CADM1: variants seen among roughly 807,000 people sequenced by gnomAD.
CADM1 encodes cell adhesion molecule 1.
A neutral mutation model predicts 53.1 loss-of-function variants in CADM1; 15 were observed. The ratio of observed to expected loss-of-function variants is 0.28; its 90% CI spans 0.19 to 0.44. The LOEUF is 0.44. Among genes scored for constraint, CADM1 ranks in the 20% least tolerant of loss-of-function variants. The probability of loss-of-function intolerance (pLI) is 1.00; values close to 1 mark genes in which losing one functional copy is unlikely to be tolerated. For synonymous variants in CADM1, 281 were observed against 243.0 expected, an observed-to-expected ratio of 1.16 and a Z score of -1.45; for missense variants, 434 against 611.3, an observed-to-expected ratio of 0.71 and a Z score of 3.06.
intron 1 of CADM1, among the ~76,000 whole-genome samples, chr11:115,381,852 ATT>A: frequency 6.7e-6 from 1 of 150,048 alleles, no homozygotes; most frequent in African/African-American, 2.4e-5. Context: ...TAATAATAGG[ATT>A]TTTTTTTTGA....
At chr11:115,320,400 T>A (rs1198358651) in intron 1 of CADM1, among the ~76,000 whole-genome samples, 1 of 152,148 alleles carries the variant, frequency 6.6e-6, no homozygotes, top group East Asian at 1.9e-4. Flanking sequence ...TCTAGTTCTA[T>A]AAAGAAATGA....
chr11:115,503,517 C>G (rs974868680), intron 1 of CADM1, among the ~76,000 whole-genome samples: 1 of 152,104 alleles, frequency 6.6e-6, no homozygotes, highest in Non-Finnish European at 1.5e-5. Context: ...GGCGGGCGGG[C>G]TGCGGGCTCC....
chr11:115,339,754 C>T (rs1945374704), intron 1 of CADM1, among the ~76,000 whole-genome samples: 1 of 152,116 alleles, frequency 6.6e-6, no homozygotes, highest in African/African-American at 2.4e-5. Flanking sequence ...CAACTTTCAG[C>T]AAGTCTCTTC....
At chr11:115,499,640 AG>A (rs1312032334) in intron 1 of CADM1, among the ~76,000 whole-genome samples, 2 of 152,258 alleles carry the variant, frequency 1.3e-5, no homozygotes, top group Admixed American at 1.3e-4. Flanking sequence ...CTGGACATCA[AG>A]GGACCTGTCC....
intron 1 of CADM1, among the ~76,000 whole-genome samples, chr11:115,251,258 T>A (rs1441912399): frequency 6.6e-6 from 1 of 152,222 alleles, no homozygotes; most frequent in Non-Finnish European, 1.5e-5. Context: ...GTGGCTGAAA[T>A]GTGGCTGTAA....
At chr11:115,425,455 C>T (rs1010060459) in intron 1 of CADM1, among the ~76,000 whole-genome samples, 4 of 152,200 alleles carry the variant, frequency 2.6e-5, no homozygotes, top group African/African-American at 9.7e-5. Context: ...AACAGATAAG[C>T]ACCTCATTTT....
intron 1 of CADM1, among the ~76,000 whole-genome samples, chr11:115,368,167 C>A (rs1262118736): frequency 7.6e-6 from 1 of 131,044 alleles, no homozygotes; most frequent in Non-Finnish European, 1.6e-5. Flanking sequence ...GTCTTCCCTT[C>A]CAGATTGTTT....
At chr11:115,475,670 A>G (rs1176500444) in intron 1 of CADM1, among the ~76,000 whole-genome samples, 1 of 152,234 alleles carries the variant, frequency 6.6e-6, no homozygotes, top group African/African-American at 2.4e-5. Flanking sequence ...AAAAGAAGCT[A>G]CATTCAAAAA....
At chr11:115,441,029 CTCT>C (rs1948297612) in intron 1 of CADM1, among the ~76,000 whole-genome samples, 1 of 151,966 alleles carries the variant, frequency 6.6e-6, no homozygotes, top group South Asian at 2.1e-4. Flanking sequence ...ATCCTACCAC[CTCT>C]TCTTCAAGTA....
At chr11:115,284,087 A>ACTCTCTCTCTCTCT (rs141079093) in intron 1 of CADM1, among the ~76,000 whole-genome samples, 2,152 of 47,088 alleles carry the variant, frequency 0.046, 146 homozygotes, top group Non-Finnish European at 0.056. Flanking sequence ...AAGCCCAGAC[A>ACTCTCTCTCTCTCT]CTCTCTCTCT....
chr11:115,260,340 A>ATGGT (rs1414743823), intron 1 of CADM1, among the ~76,000 whole-genome samples: 1 of 152,240 alleles, frequency 6.6e-6, no homozygotes, highest in Non-Finnish European at 1.5e-5. Flanking sequence ...ACTCTAAGAA[A>ATGGT]TGGTTCCCTT....
At chr11:115,298,427 A>G (rs1944135467) in intron 1 of CADM1, among the ~76,000 whole-genome samples, 1 of 152,196 alleles carries the variant, frequency 6.6e-6, no homozygotes, top group Admixed American at 6.5e-5. Flanking sequence ...CCCAGTCACT[A>G]GATCCTATTT....
At chr11:115,277,642 A>G (rs751558091) in intron 1 of CADM1, among the ~76,000 whole-genome samples, 2 of 152,186 alleles carry the variant, frequency 1.3e-5, no homozygotes, top group African/African-American at 2.4e-5. Flanking sequence ...GTTCACATGA[A>G]GAAGGCTTCT....
At chr11:115,479,048 G>A (rs183289158) in intron 1 of CADM1, among the ~76,000 whole-genome samples, 116 of 152,174 alleles carry the variant, frequency 7.6e-4, no homozygotes, top group African/African-American at 2.8e-3. Context: ...GATTTTGTTT[G>A]GGGGTAAAAG....
intron 1 of CADM1, among the ~76,000 whole-genome samples, chr11:115,457,173 A>G (rs1948699868): frequency 6.6e-6 from 1 of 152,200 alleles, no homozygotes; most frequent in South Asian, 2.1e-4. Flanking sequence ...GAAAGGGTAA[A>G]TAACTTTGCA....
chr11:115,436,905 A>G (rs1176683736), intron 1 of CADM1, among the ~76,000 whole-genome samples: 2 of 152,202 alleles, frequency 1.3e-5, no homozygotes, highest in African/African-American at 4.8e-5. Flanking sequence ...AAGGTACTTA[A>G]TCTGATTTGA....
chr11:115,240,286 T>C lies in CADM1; in HGVS notation c.259A>G (p.Arg87Gly), dbSNP rs1942181395. The part of the protein sequence containing the change: ...LNPNRQTIYF[R>G]DFRPLKDSRF... ...GATGGAAACTTACGCCTGAAGTCCC[T>C]GAAATAAATGGTCTGCCTGTTGGGA... The change falls in exon 2 of 12, where the codon AGG (arginine) becomes GGG (glycine). Residue 87 changes from arginine to glycine, a missense_variant. Coordinates refer to ENST00000331581, the MANE Select transcript of CADM1 (RefSeq NM_001301043.2). The C allele has an allele frequency of 6.2e-7, 1 of 1,613,554 alleles. No homozygotes were observed. Among genetic ancestry groups the C allele is most frequent in the Admixed American group, 1.7e-5 (1 of 59,942 alleles).
intron 9 of CADM1, among the ~76,000 whole-genome samples, chr11:115,195,329 T>A (rs991337766): frequency 6.6e-6 from 1 of 152,260 alleles, no homozygotes; most frequent in Non-Finnish European, 1.5e-5. Context: ...ACAACTGGTA[T>A]AAACTTCATA....
intron 1 of CADM1, among the ~76,000 whole-genome samples, chr11:115,316,007 A>G (rs1041149535): frequency 6.6e-6 from 1 of 152,064 alleles, no homozygotes; most frequent in African/African-American, 2.4e-5. Context: ...CTCCTCCTGT[A>G]GACAGGCATC....
Sources: allele counts gnomAD v4.1 joint callset (sites outside exome capture counted in the v4.1 genomes callset), GRCh38; gene constraint gnomAD v4.1.1; transcripts MANE v1.5; gene names NCBI Gene and HGNC (gene_info 2026-07-23, HGNC 2026-07-21).